The following LYPLA1 variants were observed in gnomAD, a reference collection of about 807,000 sequenced individuals.
LYPLA1 encodes the protein acyl-protein thioesterase 1.
Under a neutral mutation model 34.0 loss-of-function variants are expected in LYPLA1, and 17 were observed. That is an observed-to-expected ratio of 0.50 (90% CI 0.34 to 0.75). The LOEUF is 0.75. Ranked by LOEUF, LYPLA1 falls within the 30% of genes least tolerant of loss-of-function variation. The pLI is 0.01. For synonymous variants in LYPLA1, 98 were observed against 100.8 expected (o/e 0.97, Z 0.17); for missense variants, 203 against 288.8 (o/e 0.70, Z 2.15).
At chr8:54,101,131 C>T (rs77029186) in intron 1 of LYPLA1, among the ~76,000 whole-genome samples, 192 bp from the exon 2 acceptor site, 18,827 of 149,340 alleles carry the variant, frequency 0.13, 3,195 homozygotes, top group African/African-American at 0.4. Context: ...CCCTTTATTT[C>T]CTGAGATAAT....
chr8:54,057,785 T>G (rs922726633), intron 5 of LYPLA1, among the ~76,000 whole-genome samples: 1 of 152,154 alleles, frequency 6.6e-6, no homozygotes, highest in East Asian at 1.9e-4. Flanking sequence ...AGTGTACATT[T>G]TAAAATAACT....
chr8:54,054,787 G>A (rs1205623578), intron 6 of LYPLA1: 1 of 309,348 alleles, frequency 3.2e-6, no homozygotes, highest in Admixed American at 5.1e-5. Context: ...CTCCTATAGA[G>A]GGGACTCATG....
At position 54,081,730 on chromosome 8, in the gene LYPLA1, T is replaced by C. The variant is rs115815257; in HGVS notation, c.102-15917A>G. ...GCGCCCAGCCTTTCTTTTCGTTTTTTTTTTTTTTGAGACAGAGTTCTGCTC... is the reference window on the plus strand; with the variant it reads ...GCGCCCAGCCTTTCTTTTCGTTTTTCTTTTTTTTGAGACAGAGTTCTGCTC... On this transcript the variant is annotated intron_variant, in intron 2 of 8. Coordinates refer to ENST00000316963, the MANE Select transcript of LYPLA1 (RefSeq NM_006330.4). Among the ~76,000 whole-genome samples, 1,166 of 151,438 alleles carry C rather than the reference T, an allele frequency of 7.7e-3. 16 individuals carry two copies. Among genetic ancestry groups the C allele is most frequent in the African/African-American group, 0.026 (1,078 of 41,272 alleles).
intron 2 of LYPLA1, among the ~76,000 whole-genome samples, chr8:54,079,188 G>A (rs147782661): frequency 0.019 from 2,903 of 151,930 alleles, 153 homozygotes; most frequent in East Asian, 0.13. Context: ...CCATGTTGGC[G>A]AGGCTGGTCT....
downstream of LYPLA1, among the ~76,000 whole-genome samples, chr8:54,043,890 T>C (rs1044210674): frequency 6.6e-6 from 1 of 152,030 alleles, no homozygotes; most frequent in African/African-American, 2.4e-5. Context: ...TGTTACTCTT[T>C]TTCACTTATT....
chr8:54,089,102 G>A (rs1054953148), intron 2 of LYPLA1, among the ~76,000 whole-genome samples: 1 of 152,178 alleles, frequency 6.6e-6, no homozygotes, highest in African/African-American at 2.4e-5. Context: ...TTCTTTTGGG[G>A]ATGTTGAACA....
chr8:54,055,951 T>C (rs775980304), intron 5 of LYPLA1, among the ~76,000 whole-genome samples: 14 of 152,152 alleles, frequency 9.2e-5, no homozygotes, highest in Non-Finnish European at 1.3e-4. Context: ...CCCTAAAATT[T>C]ATATGGAATC....
At chr8:54,062,920 G>C (rs1806766897) in intron 4 of LYPLA1, among the ~76,000 whole-genome samples, 1 of 152,164 alleles carries the variant, frequency 6.6e-6, no homozygotes, top group Non-Finnish European at 1.5e-5. Context: ...CCTACTTTCT[G>C]ACAGTAAAGT....
chr8:54,073,352 G>T, intron 2 of LYPLA1: 1 of 822,424 alleles, frequency 1.2e-6, no homozygotes, highest in Non-Finnish European at 2.2e-6. Context: ...GAGAACTGTG[G>T]GTCTGTGCCC....
At chr8:54,092,127 C>T (rs544861363) in intron 2 of LYPLA1, among the ~76,000 whole-genome samples, 19 of 147,880 alleles carry the variant, frequency 1.3e-4, no homozygotes, top group Non-Finnish European at 2.5e-4. Context: ...GAGGCAGCGG[C>T]GGCAGAGGAG....
intron 2 of LYPLA1, among the ~76,000 whole-genome samples, chr8:54,083,736 T>C (rs1225766123): frequency 6.6e-6 from 1 of 152,218 alleles, no homozygotes; most frequent in Non-Finnish European, 1.5e-5. Flanking sequence ...TTAAGTTTTT[T>C]CCTAACCATT....
At chr8:54,063,048 C>T (rs938788792) in intron 4 of LYPLA1, among the ~76,000 whole-genome samples, 3 of 152,056 alleles carry the variant, frequency 2.0e-5, no homozygotes, top group Non-Finnish European at 2.9e-5. Flanking sequence ...AGGGGTCATT[C>T]GAATGTTGGG....
At chr8:54,071,915 C>G (rs1051158634) in intron 2 of LYPLA1, among the ~76,000 whole-genome samples, 4 of 152,108 alleles carry the variant, frequency 2.6e-5, no homozygotes, top group Admixed American at 6.6e-5. Flanking sequence ...AAAAAAAGAG[C>G]CCAAACAGAC....
chr8:54,067,228 G>A (rs1807131006), intron 2 of LYPLA1, among the ~76,000 whole-genome samples: 1 of 152,100 alleles, frequency 6.6e-6, no homozygotes, highest in Non-Finnish European at 1.5e-5. Context: ...GAGCATGGTG[G>A]CTCATGTCTA....
chr8:54,089,343 CTT>C (rs374153304), intron 2 of LYPLA1, among the ~76,000 whole-genome samples: 6 of 152,100 alleles, frequency 3.9e-5, no homozygotes, highest in African/African-American at 1.4e-4. Flanking sequence ...ATTCACATAA[CTT>C]TTATTACAGT....
In LYPLA1 at chr8:54,096,108, G is replaced by T. The variant is rs564330705; in HGVS notation, c.101+4800C>A. ...CTGGTACTTAAAAATGTACACTGAA[G>T]AATTAAGCTGTAATGAGGCAACACG... On this transcript the variant is annotated intron_variant, in intron 2 of 8. Transcript: ENST00000316963. Among the ~76,000 whole-genome samples, 26 of 152,216 alleles carry T rather than the reference G, an allele frequency of 1.7e-4. No individual in the cohort carries two copies. In the East Asian group the frequency reaches 2.7e-3, roughly 16 times the overall value.
rs574439995 is a variant in LYPLA1, at chr8:54,053,551, T to C, written c.361-795A>G. 1.4e-4 allele frequency: 62 copies of C among 455,276 alleles called. 3 individuals carry two copies. The highest frequency in any genetic ancestry group is 9.6e-4 in the South Asian group (62 of 64,518). The allele number at this position is 455,276 out of a possible 1,614,324, so 28.2% of individuals were successfully genotyped here. On this transcript the variant is annotated intron_variant, in intron 6 of 8. Coordinates refer to ENST00000316963, the MANE Select transcript of LYPLA1 (RefSeq NM_006330.4). ...AGCCCCATCACTCTGACCATGCCCA[T>C]GGGTTACTGCAACACATGAGTACAC...
At chr8:54,098,541 C>T (rs1382820914) in intron 2 of LYPLA1, among the ~76,000 whole-genome samples, 2 of 152,054 alleles carry the variant, frequency 1.3e-5, no homozygotes, top group Non-Finnish European at 1.5e-5. Flanking sequence ...ATTAGCTGGA[C>T]GTGGTAGCAC....
intron 2 of LYPLA1, among the ~76,000 whole-genome samples, chr8:54,084,328 T>C (rs1428009486): frequency 6.6e-6 from 1 of 151,944 alleles, no homozygotes; most frequent in Non-Finnish European, 1.5e-5. Flanking sequence ...CCCAGCACTT[T>C]GGGAAGCTGA....
Sources: gnomAD v4.1 joint callset for allele counts (sites outside exome capture counted in the v4.1 genomes callset) on GRCh38, gnomAD v4.1.1 for gene constraint, MANE v1.5 for transcripts, NCBI Gene and HGNC (gene_info 2026-07-23, HGNC 2026-07-21) for gene names.